SETD5: variants seen among roughly 807,000 people sequenced by gnomAD.
SETD5 encodes the protein SET domain containing 5.
Under a neutral mutation model 153.3 loss-of-function variants are expected in SETD5, and 44 were observed. That is an observed-to-expected ratio of 0.29 (90% CI 0.23 to 0.37). The LOEUF (loss-of-function observed/expected upper bound fraction) is 0.37. Among genes scored for constraint, SETD5 ranks in the 10% least tolerant of loss-of-function variants. The probability of loss-of-function intolerance (pLI) is 1.00; values close to 1 mark genes in which losing one functional copy is unlikely to be tolerated. For missense variants in SETD5, 1,544 were observed against 1,768.0 expected, an observed-to-expected ratio of 0.87 and a Z score of 2.27; for synonymous variants, 716 against 645.2, an observed-to-expected ratio of 1.11 and a Z score of -1.66.
chr3:9,451,744 C>T (rs772245356), intron 16 of SETD5, among the ~76,000 whole-genome samples: 1 of 152,208 alleles, frequency 6.6e-6, no homozygotes, highest in Admixed American at 6.5e-5. Context: ...CTGAGCCCAG[C>T]CTCACAGCCA....
chr3:9,471,464 G>C (rs559637375), intron 19 of SETD5, among the ~76,000 whole-genome samples: 1 of 152,182 alleles, frequency 6.6e-6, no homozygotes, highest in East Asian at 1.9e-4. Context: ...TTGAGGGTGA[G>C]GTATGTTACA....
At chr3:9,454,649 A>C (rs932994277) in intron 17 of SETD5, among the ~76,000 whole-genome samples, 4 of 146,794 alleles carry the variant, frequency 2.7e-5, no homozygotes, top group Admixed American at 6.7e-5. Flanking sequence ...AAAAAAAAAA[A>C]ACAAATTTTT....
At chr3:9,468,796 TTGTG>T (rs141755513) in intron 18 of SETD5, among the ~76,000 whole-genome samples, 1 of 150,524 alleles carries the variant, frequency 6.6e-6, no homozygotes, top group Admixed American at 6.6e-5. Flanking sequence ...GCGTGTGTGT[TTGTG>T]TGTGTGTGTG....
chr3:9,444,577 A>G (rs1279735883), intron 11 of SETD5, among the ~76,000 whole-genome samples: 2 of 151,944 alleles, frequency 1.3e-5, no homozygotes, highest in Non-Finnish European at 2.9e-5. Context: ...AATTGGGGTT[A>G]CACAAAGAAA....
Position 9,473,348 on chromosome 3 carries a change from G to T in SETD5, c.3308G>T (p.Ser1103Ile). Residue 1103 changes from serine to isoleucine, a missense_variant, in exon 20 of 23, where the codon AGC becomes ATC. Ser to Ile is a moderately radical substitution (Grantham distance 142). Transcript: ENST00000402198. ...AAGTCTGCAGGAGCTGGGCAAGGCAGCAGTAACTCCGTTTCCGACACTGGT... is the reference window on the plus strand; with the variant it reads ...AAGTCTGCAGGAGCTGGGCAAGGCATCAGTAACTCCGTTTCCGACACTGGT... Reference protein sequence around the residue: ...KSKSAGAGQGSSNSVSDTGAH... With the variant: ...KSKSAGAGQGISNSVSDTGAH... 6.2e-7 allele frequency: 1 copy of T among 1,613,994 alleles called. No homozygotes were observed. Among genetic ancestry groups the T allele is most frequent in the Non-Finnish European group, 8.5e-7 (1 of 1,179,896 alleles).
chr3:9,406,639 A>G (rs1171625077), intron 1 of SETD5, among the ~76,000 whole-genome samples: 1 of 151,784 alleles, frequency 6.6e-6, no homozygotes, highest in Non-Finnish European at 1.5e-5. Flanking sequence ...TCTGAGGAAA[A>G]TGTAAGAGCA....
intron 7 of SETD5, among the ~76,000 whole-genome samples, chr3:9,436,194 T>C (rs1335581252): frequency 6.6e-6 from 1 of 152,326 alleles, no homozygotes; most frequent in Admixed American, 6.5e-5. Flanking sequence ...CAGCCTCAAG[T>C]CTAGGCTTCC....
At chr3:9,445,530 TG>T in intron 12 of SETD5, 126 bp from the exon 13 acceptor site, 1 of 888,916 alleles carries the variant, frequency 1.1e-6, no homozygotes, top group Non-Finnish European at 1.7e-6. Flanking sequence ...GTTTACCATG[TG>T]GCCTCACATG....
chr3:9,417,166 A>G (rs1448611944), intron 1 of SETD5, among the ~76,000 whole-genome samples: 1 of 152,198 alleles, frequency 6.6e-6, no homozygotes, highest in Non-Finnish European at 1.5e-5. Flanking sequence ...ATGGAAGAAT[A>G]TAGAGTAGAT....
intron 1 of SETD5, among the ~76,000 whole-genome samples, chr3:9,413,649 G>GGGGTGTGTGTGT (rs200761097): frequency 3.6e-5 from 5 of 140,458 alleles, no homozygotes; most frequent in Non-Finnish European, 7.7e-5. Flanking sequence ...GGGGAGGCGG[G>GGGGTGTGTGTGT]GTGTGTGTGT....
rs1213284936 is a variant in SETD5 at position 9,435,733 on chromosome 3, G to A, written c.394G>A (p.Asp132Asn). The A allele has an allele frequency of 6.3e-7, 1 of 1,590,490 alleles. No homozygotes were observed. The highest frequency in any genetic ancestry group is 1.4e-5 in the African/African-American group (1 of 74,034). ...RRKQDNISGG[D>N]SSATESWDEE... ...ATGAAATCATCATTTTTCAGGTGGGGATAGCAGTGCAACAGAAAGCTGGGA... is the reference window on the plus strand; with the variant it reads ...ATGAAATCATCATTTTTCAGGTGGGAATAGCAGTGCAACAGAAAGCTGGGA... Residue 132 changes from aspartate (D) to asparagine (N), a missense_variant, in exon 7 of 23, where the codon GAT becomes AAT. Around this residue, in one of 9 missense-constraint regions of SETD5, gnomAD observed 251 missense variants for 326.9 expected, o/e 0.77. Coordinates refer to ENST00000402198, the MANE Select transcript of SETD5 (RefSeq NM_001080517.3).
Position 9,434,135 on chromosome 3 carries a change from T to G in SETD5, c.177+185T>G. ...CTTGTTTTTATGTCCCAGTTGACCTTGGCATTTTGTTTTATCACTTTCCTG... is the reference window on the plus strand; with the variant it reads ...CTTGTTTTTATGTCCCAGTTGACCTGGGCATTTTGTTTTATCACTTTCCTG... On this transcript the variant is annotated intron_variant, in intron 4 of 22. Coordinates refer to ENST00000402198, the MANE Select transcript of SETD5 (RefSeq NM_001080517.3). This position sits in a 1 kb window ranked among gnomAD's most constrained non-coding sequence, Gnocchi z 5.6. The G allele has an allele frequency of 6.5e-7, 1 of 1,548,526 alleles. No individual in the cohort carries two copies. The highest frequency in any genetic ancestry group is 8.7e-7 in the Non-Finnish European group (1 of 1,147,938).
chr3:9,417,420 C>G (rs1342265037), intron 1 of SETD5, among the ~76,000 whole-genome samples: 3 of 151,964 alleles, frequency 2.0e-5, no homozygotes, highest in Admixed American at 2.0e-4. Context: ...TGATTTTGTT[C>G]CTATGATGAA....
chr3:9,439,189 A>G (rs1449791828), intron 7 of SETD5, among the ~76,000 whole-genome samples: 2 of 152,202 alleles, frequency 1.3e-5, no homozygotes, highest in African/African-American at 4.8e-5. Context: ...ACTGATGTCA[A>G]GCAGGCGATA....
chr3:9,453,324 G>T (rs112544371), intron 16 of SETD5, among the ~76,000 whole-genome samples: 391 of 152,048 alleles, frequency 2.6e-3, no homozygotes, highest in African/African-American at 7.1e-3. Context: ...TCTAGCACGG[G>T]GCAGACAACT....
intron 1 of SETD5, among the ~76,000 whole-genome samples, chr3:9,418,835 A>G (rs1287789853): frequency 1.3e-5 from 2 of 151,826 alleles, no homozygotes; most frequent in Admixed American, 1.3e-4. Flanking sequence ...ACATACATAA[A>G]CATTGGGAAT....
intron 1 of SETD5, among the ~76,000 whole-genome samples, chr3:9,407,049 C>T (rs925365851): frequency 6.6e-6 from 1 of 152,206 alleles, no homozygotes; most frequent in Non-Finnish European, 1.5e-5. Context: ...TGTAGCCAGC[C>T]AGGCGTGGCG....
chr3:9,428,353 G>C (rs562273350), intron 2 of SETD5, among the ~76,000 whole-genome samples: 1 of 152,264 alleles, frequency 6.6e-6, no homozygotes, highest in East Asian at 1.9e-4. Context: ...CTTTTAATTT[G>C]GAAGAAATAA....
At chr3:9,473,962 G>A (rs746413545) in intron 20 of SETD5, among the ~76,000 whole-genome samples, 11 of 152,198 alleles carry the variant, frequency 7.2e-5, no homozygotes, top group Non-Finnish European at 1.3e-4. Context: ...GTCTGGTTTA[G>A]GGGAGACCAC....
Sources: allele counts gnomAD v4.1 joint callset (sites outside exome capture counted in the v4.1 genomes callset), GRCh38; gene constraint gnomAD v4.1.1; regional missense constraint gnomAD v4.1.1; non-coding constraint Gnocchi (gnomAD v3.1); transcripts MANE v1.5; gene names NCBI Gene and HGNC (gene_info 2026-07-23, HGNC 2026-07-21).